NUP210: variants seen among roughly 807,000 people sequenced by gnomAD.
NUP210 encodes the protein nucleoporin 210.
In NUP210, 151 loss-of-function variants were observed where a neutral mutation model predicts 196.0. The observed-to-expected ratio is 0.77, with a 90% CI of 0.67 to 0.88. NUP210 has a LOEUF of 0.88. Ranked by LOEUF, NUP210 falls within the 40% of genes least tolerant of loss-of-function variation. The pLI is 0.00. For synonymous variants in NUP210, 1,070 were observed against 1,052.7 expected, an observed-to-expected ratio of 1.02 and a Z score of -0.32; for missense variants, 2,314 against 2,493.7, an observed-to-expected ratio of 0.93 and a Z score of 1.53.
intron 26 of NUP210, among the ~76,000 whole-genome samples, chr3:13,337,534 C>T (rs1697264850): frequency 6.6e-6 from 1 of 152,208 alleles, no homozygotes; most frequent in South Asian, 2.1e-4. Context: ...GCTATGAACA[C>T]CAAATGGATT....
At chr3:13,402,799 G>T (rs934244402) in intron 1 of NUP210, among the ~76,000 whole-genome samples, 3 of 152,202 alleles carry the variant, frequency 2.0e-5, no homozygotes, top group African/African-American at 4.8e-5. Context: ...AGAAAGTATA[G>T]ATTTCCCATA....
chr3:13,345,134 G>A (rs1697672978), intron 20 of NUP210: 1 of 985,438 alleles, frequency 1.0e-6, no homozygotes, highest in Non-Finnish European at 1.2e-6. Flanking sequence ...CAGGGCCGCT[G>A]CTCTGAGTAA....
At chr3:13,419,738 C>T (rs1352462747) in intron 1 of NUP210, among the ~76,000 whole-genome samples, 1 of 152,070 alleles carries the variant, frequency 6.6e-6, no homozygotes, top group Non-Finnish European at 1.5e-5. Context: ...GGCTCGGGCC[C>T]GGCCGGCTTG....
At position 13,350,022 on chromosome 3, in the gene NUP210, T is replaced by G. The variant is rs1697910939; in HGVS notation, c.2835+1857A>C. ...GGAATTACTGAAGACAGTGGAGCAA[T>G]CAGCCTCAATTAGTGCAGCTCAACA... On this transcript the variant is annotated intron_variant, in intron 20 of 39. Transcript: ENST00000254508. The surrounding 1 kb of genome is among the most constrained non-coding windows in gnomAD (Gnocchi z 4.1). Among the ~76,000 whole-genome samples the G allele has an allele frequency of 6.6e-6, 1 of 152,080 alleles. No homozygotes were observed. Among genetic ancestry groups the G allele is most frequent in the Non-Finnish European group, 1.5e-5 (1 of 68,004 alleles).
rs1697929056 is a variant in NUP210, at chr3:13,350,464, AAAC to A, written c.2835+1412_2835+1414del. Among the ~76,000 whole-genome samples the A allele has an allele frequency of 1.2e-5, 1 of 81,356 alleles. No homozygotes were observed. Among genetic ancestry groups the A allele is most frequent in the African/African-American group, 3.8e-5 (1 of 26,292 alleles). 53.4% of individuals were successfully genotyped at this position (81,356 alleles called of 152,430 possible). ...AAACAAAACAAAACAAAACAAAACA[AAAC>A]AAAACAAAACAAAAAACAAAACAAA... On this transcript the variant is annotated intron_variant, in intron 20 of 39. Coordinates refer to ENST00000254508, the MANE Select transcript of NUP210 (RefSeq NM_024923.4). The surrounding 1 kb of genome is among the most constrained non-coding windows in gnomAD (Gnocchi z 4.1).
chr3:13,339,740 G>A lies in NUP210; in HGVS notation c.3471+114C>T, dbSNP rs971069949. On this transcript the variant is annotated intron_variant, in intron 25 of 39. Transcript: ENST00000254508. Reference sequence around the variant, plus strand: ...GCCCCTGCAGTGACTGCAGACCCAGGGGGCAGAAGCAGCACCCTTGGAGAG... The same window carrying A: ...GCCCCTGCAGTGACTGCAGACCCAGAGGGCAGAAGCAGCACCCTTGGAGAG... The A allele has an allele frequency of 4.0e-5, 38 of 959,600 alleles. 1 individual carries two copies. The South Asian group carries it at 5.3e-4, about 13-fold the overall frequency. 59.4% of individuals were successfully genotyped at this position (959,600 alleles called of 1,614,324 possible).
rs760150739 is a variant in NUP210, at chr3:13,322,377, C to T, written c.4769-38G>A. ...GAGACGAGAGGGTGTGGGCCAGGCCCGATGGCCACCACACCAAATTCCACC... is the reference window on the plus strand; with the variant it reads ...GAGACGAGAGGGTGTGGGCCAGGCCTGATGGCCACCACACCAAATTCCACC... On this transcript the variant is annotated intron_variant, in intron 34 of 39. Transcript: ENST00000254508. The T allele has an allele frequency of 5.0e-6, 8 of 1,607,198 alleles. No homozygotes were observed. The East Asian group carries it at 6.7e-5, about 13-fold the overall frequency.
intron 14 of NUP210, among the ~76,000 whole-genome samples, chr3:13,364,158 T>C (rs1698456119): frequency 6.6e-6 from 1 of 152,178 alleles, no homozygotes; most frequent in Non-Finnish European, 1.5e-5. Context: ...GTAAAATACA[T>C]TCTTTGCTTT....
rs1489989607 is a variant in NUP210, at chr3:13,350,312, G to A, written c.2835+1567C>T. ...TGTCTTCAGCAAAATAACAAGGCCA[G>A]TCACTAAAGAAGTAAACAAGCAAAT... On this transcript the variant is annotated intron_variant, in intron 20 of 39. Coordinates refer to ENST00000254508, the MANE Select transcript of NUP210 (RefSeq NM_024923.4). This position sits in a 1 kb window ranked among gnomAD's most constrained non-coding sequence, Gnocchi z 4.1. Among the ~76,000 whole-genome samples the A allele has an allele frequency of 2.6e-5, 4 of 152,078 alleles. No homozygotes were observed. Among genetic ancestry groups the A allele is most frequent in the Non-Finnish European group, 4.4e-5 (3 of 68,042 alleles).
At position 13,316,831 on chromosome 3, in the gene NUP210, G is replaced by A. The variant is rs1043661318; in HGVS notation, c.*850C>T. ...TCTTTGTGCTGAGGCAGGACACAGC[G>A]GCTTTCCGAAACACACACACAGAAA... On this transcript the variant is annotated 3_prime_UTR_variant, in exon 40 of 40. Coordinates refer to ENST00000254508, the MANE Select transcript of NUP210 (RefSeq NM_024923.4). 5.9e-5 allele frequency: 9 copies of A among 152,452 alleles called. No individual in the cohort carries two copies. Among genetic ancestry groups the A allele is most frequent in the African/African-American group, 1.9e-4 (8 of 41,574 alleles). The allele number at this position is 152,452 out of a possible 1,614,324, so 9.4% of individuals were successfully genotyped here. A position where few individuals can be genotyped will look rare whatever the true frequency, so the allele number is the denominator to read the frequency against.
At chr3:13,337,642 G>A (rs554583844) in intron 26 of NUP210, among the ~76,000 whole-genome samples, 195 bp downstream of exon 26, 121 of 152,344 alleles carry the variant, frequency 7.9e-4, no homozygotes, top group Non-Finnish European at 1.6e-3. Context: ...TGACAGGCCA[G>A]CAGGAAGCAG....
chr3:13,410,987 C>T (rs1057225486), intron 1 of NUP210, among the ~76,000 whole-genome samples: 2 of 150,364 alleles, frequency 1.3e-5, no homozygotes, highest in African/African-American at 4.9e-5. Context: ...TTTGGGAGGC[C>T]AAGGTAGGAG....
intron 3 of NUP210, among the ~76,000 whole-genome samples, chr3:13,397,028 G>A (rs148753347): frequency 1.1e-3 from 164 of 152,272 alleles, no homozygotes; most frequent in African/African-American, 3.7e-3. Flanking sequence ...AAGATGTGCT[G>A]CACCAAGGAC....
intron 1 of NUP210, among the ~76,000 whole-genome samples, chr3:13,414,970 G>C (rs969710117): frequency 6.6e-6 from 1 of 152,212 alleles, no homozygotes; most frequent in African/African-American, 2.4e-5. Context: ...GGGTGTGGTG[G>C]CTCATGCCTG....
chr3:13,365,274 G>C (rs1052278159), intron 14 of NUP210, among the ~76,000 whole-genome samples: 1 of 152,130 alleles, frequency 6.6e-6, no homozygotes, highest in African/African-American at 2.4e-5. Flanking sequence ...TTCCATTTGT[G>C]AGCTCAGCAA....
rs1445406601 is a variant in NUP210, at chr3:13,371,841, T to G, written c.1779A>C (p.Pro593=). 3 of 1,605,738 alleles carry G rather than the reference T, an allele frequency of 1.9e-6. No individual in the cohort carries two copies. The highest frequency in any genetic ancestry group is 2.7e-5 in the African/African-American group (2 of 74,796). The stretch of plus-strand genomic sequence containing the variant: ...TCAGCAGCGCTGGTTTACCTGGGAG[T>G]GGCTGGAACACACCCTGGTTCTCCA... ...VEVENQGVFQ[P]LPGRLPPGSE... is the part of the protein sequence containing the mutation. The change falls in exon 13 of 40, where the codon CCA becomes CCC. Residue 593 remains proline, a synonymous_variant. Transcript: ENST00000254508.
rs2124888609 is a variant in NUP210 at position 13,358,212 on chromosome 3, C to T, written c.2328+10G>A. 1 of 1,596,016 alleles carries T rather than the reference C, an allele frequency of 6.3e-7. No individual in the cohort carries two copies. Among genetic ancestry groups the T allele is most frequent in the East Asian group, 2.2e-5 (1 of 44,464 alleles). On this transcript the variant is annotated intron_variant, in intron 16 of 39. Coordinates refer to ENST00000254508, the MANE Select transcript of NUP210 (RefSeq NM_024923.4). The stretch of plus-strand genomic sequence containing the variant: ...ACCCTCACCTCCTCCCGAGCATAGC[C>T]CACACTCACCACCTGCTTGTTCTGC...
chr3:13,336,091 G>A (rs893495610), intron 27 of NUP210, among the ~76,000 whole-genome samples: 4 of 152,208 alleles, frequency 2.6e-5, no homozygotes, highest in African/African-American at 7.2e-5. Flanking sequence ...GGGTGGGGTC[G>A]GGGGGCATTC....
At chr3:13,361,925 C>G (rs1698384975) in intron 14 of NUP210, among the ~76,000 whole-genome samples, 1 of 152,138 alleles carries the variant, frequency 6.6e-6, no homozygotes, top group African/African-American at 2.4e-5. Context: ...CCTTGTCTCA[C>G]TTAGGCGACC....
Sources: allele counts gnomAD v4.1 joint callset (sites outside exome capture counted in the v4.1 genomes callset), GRCh38; gene constraint gnomAD v4.1.1; non-coding constraint Gnocchi (gnomAD v3.1); transcripts MANE v1.5; gene names NCBI Gene and HGNC (gene_info 2026-07-23, HGNC 2026-07-21).